NADK2: variants seen among roughly 807,000 people sequenced by gnomAD.
NADK2 encodes NAD kinase 2, mitochondrial, also known as NAD kinase domain-containing protein 1, mitochondrial.
Under a neutral mutation model 62.1 loss-of-function variants are expected in NADK2, and 35 were observed. That is an observed-to-expected ratio of 0.56 (90% CI 0.43 to 0.75). NADK2 has a LOEUF of 0.75. Among genes scored for constraint, NADK2 ranks in the 30% least tolerant of loss-of-function variants. The pLI, the probability that NADK2 is intolerant of heterozygous loss-of-function variation, is 0.00. For missense variants in NADK2, 439 were observed against 561.3 expected, an observed-to-expected ratio of 0.78 and a Z score of 2.20; for synonymous variants, 205 against 207.9, an observed-to-expected ratio of 0.99 and a Z score of 0.12.
chr5:36,225,472 T>G (rs1294929913), intron 4 of NADK2, 70 bp downstream of exon 4: 2 of 1,188,978 alleles, frequency 1.7e-6, no homozygotes, highest in Non-Finnish European at 2.5e-6. Flanking sequence ...AATGCATGTA[T>G]GTATAACCTA....
Position 36,197,650 on chromosome 5 carries a change from T to C in NADK2, c.1081A>G (p.Asn361Asp). 1 of 1,574,410 alleles carries C rather than the reference T, an allele frequency of 6.4e-7. No individual in the cohort carries two copies. The highest frequency in any genetic ancestry group is 8.6e-7 in the Non-Finnish European group (1 of 1,164,156). The stretch of plus-strand genomic sequence containing the variant: ...TCCGGACTGTAGAGCAGTGATTCAT[T>C]ATATTCATTTGTTACTACAAAGAAA... ...ELVEKVTNEY[N>D]ESLLYSPEEP... Residue 361 changes from asparagine (N) to aspartate (D), a missense_variant, in exon 11 of 12, where the codon AAT becomes GAT. Coordinates refer to ENST00000381937, the MANE Select transcript of NADK2 (RefSeq NM_001085411.3).
At chr5:36,213,288 TACA>T (rs752447757) in intron 6 of NADK2, 3 of 152,176 alleles carry the variant, frequency 2.0e-5, no homozygotes, top group Middle Eastern at 3.2e-3. Flanking sequence ...TGATTTGTTA[TACA>T]ACAATAGTTA....
Position 36,211,922 on chromosome 5 carries a change from C to A in NADK2, c.782G>T (p.Arg261Met). ...ALNIERAHDE[R>M]SEASGPQLLP... is the part of the protein sequence containing the mutation. ...AAGTTGGGGTCCTGAAGCCTCAGACCCTGCATGTAATTTAAGACAAAGAAA... is the reference window on the plus strand; with the variant it reads ...AAGTTGGGGTCCTGAAGCCTCAGACACTGCATGTAATTTAAGACAAAGAAA... Residue 261 changes from arginine to methionine, a missense_variant and splice_region_variant, in exon 7 of 12, where the codon AGG becomes ATG. By Grantham distance (91) the Arg-to-Met change is moderately conservative. Coordinates refer to ENST00000381937, the MANE Select transcript of NADK2 (RefSeq NM_001085411.3). The A allele has an allele frequency of 6.2e-7, 1 of 1,609,184 alleles. No homozygotes were observed. Among genetic ancestry groups the A allele is most frequent in the Non-Finnish European group, 8.5e-7 (1 of 1,177,842 alleles).
intron 2 of NADK2, 91 bp downstream of exon 2, chr5:36,227,386 C>T (rs1370201776): frequency 4.0e-6 from 2 of 498,766 alleles, no homozygotes; most frequent in Non-Finnish European, 6.5e-6. Flanking sequence ...ACAATCATCA[C>T]TAAAAATCTA....
intron 9 of NADK2, 74 bp from the exon 10 acceptor site, chr5:36,200,354 G>C (rs1047820250): frequency 8.5e-6 from 8 of 944,296 alleles, no homozygotes; most frequent in Non-Finnish European, 1.2e-5. Context: ...CCTTGAAAAA[G>C]GGGGAAAAAT....
chr5:36,233,605 G>C (rs1337337688), intron 1 of NADK2, among the ~76,000 whole-genome samples: 1 of 151,908 alleles, frequency 6.6e-6, no homozygotes, highest in Non-Finnish European at 1.5e-5. Flanking sequence ...AAACATACTA[G>C]GCTAAATTCT....
At chr5:36,219,889 T>A (rs1232076174) in intron 4 of NADK2, among the ~76,000 whole-genome samples, 1 of 152,182 alleles carries the variant, frequency 6.6e-6, no homozygotes, top group Non-Finnish European at 1.5e-5. Context: ...ACATCCAGCT[T>A]TAATGCCATA....
intron 1 of NADK2, among the ~76,000 whole-genome samples, chr5:36,233,793 C>A (rs1448650124): frequency 6.6e-6 from 1 of 152,092 alleles, no homozygotes; most frequent in Non-Finnish European, 1.5e-5. Flanking sequence ...GTTTTGAGTT[C>A]TTTTGGTTGG....
intron 1 of NADK2, among the ~76,000 whole-genome samples, chr5:36,227,892 T>C (rs1041979564): frequency 6.6e-6 from 1 of 151,110 alleles, no homozygotes; most frequent in African/African-American, 2.4e-5. Flanking sequence ...TTGCCCAGGC[T>C]GGAGTGCAGT....
At chr5:36,200,404 T>G in intron 9 of NADK2, 124 bp from the exon 10 acceptor site, 1 of 402,346 alleles carries the variant, frequency 2.5e-6, no homozygotes, top group Admixed American at 4.6e-5. Context: ...TATGTTATTA[T>G]GTAACATAAT....
chr5:36,240,867 C>G (rs895906020), intron 1 of NADK2, among the ~76,000 whole-genome samples: 5 of 152,202 alleles, frequency 3.3e-5, no homozygotes, highest in Non-Finnish European at 5.9e-5. Flanking sequence ...CCTTTTCCTT[C>G]TTAGCACCAA....
chr5:36,222,850 G>A (rs1457667398), intron 4 of NADK2, among the ~76,000 whole-genome samples: 1 of 152,002 alleles, frequency 6.6e-6, no homozygotes, highest in Admixed American at 6.6e-5. Flanking sequence ...GTGAGGGAGA[G>A]GTAGTTACAG....
intron 1 of NADK2, among the ~76,000 whole-genome samples, chr5:36,236,798 G>C (rs1417192828): frequency 6.8e-6 from 1 of 146,842 alleles, no homozygotes; most frequent in East Asian, 2.0e-4. Context: ...TTGGTAGCCA[G>C]AGAAAGGCAG....
intron 4 of NADK2, 146 bp from the exon 5 acceptor site, chr5:36,219,825 C>A (rs1430581261): frequency 3.3e-6 from 2 of 597,746 alleles, no homozygotes; most frequent in South Asian, 2.4e-5. Context: ...TTTTTTGCCA[C>A]AAAATTGTGT....
Position 36,193,511 on chromosome 5 carries a change from C to T in NADK2, c.*1633G>A, listed in dbSNP as rs1191145751. 2.0e-5 allele frequency: 3 copies of T among 149,274 alleles called. No homozygotes were observed. Among genetic ancestry groups the T allele is most frequent in the African/African-American group, 7.4e-5 (3 of 40,392 alleles). 9.2% of individuals were successfully genotyped at this position (149,274 alleles called of 1,614,324 possible). A position where few individuals can be genotyped will look rare whatever the true frequency, so the allele number is the denominator to read the frequency against. On this transcript the variant is annotated 3_prime_UTR_variant, in exon 12 of 12. Coordinates refer to ENST00000381937, the MANE Select transcript of NADK2 (RefSeq NM_001085411.3). ...AAAAAAAAAAGAAGGTATTTTAAGC[C>T]TGTTAGGGGAGGTTCTATAGTATGG...
intron 1 of NADK2, among the ~76,000 whole-genome samples, chr5:36,230,524 T>C (rs1223173879): frequency 6.6e-6 from 1 of 152,254 alleles, no homozygotes; most frequent in Non-Finnish European, 1.5e-5. Flanking sequence ...AGAACAGTGA[T>C]CTTACTTATC....
chr5:36,207,354 A>C (rs911001751), intron 7 of NADK2, 89 bp from the exon 8 acceptor site: 3 of 924,236 alleles, frequency 3.2e-6, no homozygotes, highest in South Asian at 1.6e-5. Context: ...AATCTTAAGT[A>C]AGTCAGCTTA....
At position 36,241,384 on chromosome 5, in the gene NADK2, C is replaced by G; in HGVS notation, c.300+115G>C. 2.2e-6 allele frequency: 3 copies of G among 1,353,476 alleles called. No individual in the cohort carries two copies. Among genetic ancestry groups the G allele is most frequent in the Non-Finnish European group, 1.9e-6 (2 of 1,054,898 alleles). 83.8% of individuals were successfully genotyped at this position (1,353,476 alleles called of 1,614,324 possible). ...CTGGGGGCCGCGAGAGAGGCAGGAC[C>G]GGCATCTGCGGTGCCCTGGGAAGAG... On this transcript the variant is annotated intron_variant, in intron 1 of 11. Coordinates refer to ENST00000381937, the MANE Select transcript of NADK2 (RefSeq NM_001085411.3). The surrounding 1 kb of genome is among the most constrained non-coding windows in gnomAD (Gnocchi z 4.9).
chr5:36,202,877 A>T (rs1375397431), intron 8 of NADK2, among the ~76,000 whole-genome samples: 2 of 152,100 alleles, frequency 1.3e-5, no homozygotes, highest in African/African-American at 4.8e-5. Flanking sequence ...AGAACAAGAA[A>T]TAGACTTATA....
Sources: allele counts gnomAD v4.1 joint callset (sites outside exome capture counted in the v4.1 genomes callset), GRCh38; gene constraint gnomAD v4.1.1; non-coding constraint Gnocchi (gnomAD v3.1); transcripts MANE v1.5; gene names NCBI Gene and HGNC (gene_info 2026-07-23, HGNC 2026-07-21).